The following FHIT variants were observed in gnomAD, a reference collection of about 807,000 sequenced individuals.
FHIT encodes bis(5'-adenosyl)-triphosphatase.
In FHIT, 19 loss-of-function variants were observed where a neutral mutation model predicts 17.9. The ratio of observed to expected loss-of-function variants is 1.06; its 90% CI spans 0.74 to 1.56. The LOEUF (loss-of-function observed/expected upper bound fraction) is 1.56. FHIT is among the 40% of genes most tolerant of loss of function. The pLI is 0.00. For missense variants in FHIT, 248 were observed against 189.2 expected, an observed-to-expected ratio of 1.31 and a Z score of -1.82; for synonymous variants, 81 against 69.7, an observed-to-expected ratio of 1.16 and a Z score of -0.81.
At chr3:60,703,869 T>C (rs1212805535) in intron 4 of FHIT, among the ~76,000 whole-genome samples, 2 of 152,216 alleles carry the variant, frequency 1.3e-5, no homozygotes, top group Non-Finnish European at 2.9e-5. Context: ...CACTTTCTTC[T>C]ATGATTATTG....
At chr3:60,947,110 A>AGGCCTAGGCCTAGGGCAGGTCTAGGC (rs1553775928) in intron 3 of FHIT, among the ~76,000 whole-genome samples, 10 of 152,224 alleles carry the variant, frequency 6.6e-5, no homozygotes, top group African/African-American at 1.7e-4. Flanking sequence ...AAGGGCAGGT[A>AGGCCTAGGCCTAGGGCAGGTCTAGGC]TGAGTCTAGG....
chr3:61,237,851 GTCC>G (rs2040270576), intron 1 of FHIT, among the ~76,000 whole-genome samples: 1 of 152,180 alleles, frequency 6.6e-6, no homozygotes, highest in South Asian at 2.1e-4. Flanking sequence ...CCAGAAGTGA[GTCC>G]TCAGGGTCAG....
At chr3:60,698,680 C>T (rs2041169179) in intron 4 of FHIT, among the ~76,000 whole-genome samples, 1 of 152,042 alleles carries the variant, frequency 6.6e-6, no homozygotes, top group Admixed American at 6.6e-5. Context: ...AGTAATAAGC[C>T]ATGCTTTCTT....
At chr3:60,097,592 C>T (rs1053846841) in intron 5 of FHIT, among the ~76,000 whole-genome samples, 6 of 152,048 alleles carry the variant, frequency 3.9e-5, no homozygotes, top group Admixed American at 3.3e-4. Flanking sequence ...AATGTGAAGA[C>T]GATAAGGATG....
At chr3:61,111,966 C>T (rs2036171493) in intron 2 of FHIT, among the ~76,000 whole-genome samples, 1 of 152,138 alleles carries the variant, frequency 6.6e-6, no homozygotes, top group East Asian at 1.9e-4. Context: ...ATGCGTGGTG[C>T]TTTGCAGGCA....
chr3:59,754,424 G>A (rs1701094212), intron 8 of FHIT, among the ~76,000 whole-genome samples: 1 of 152,198 alleles, frequency 6.6e-6, no homozygotes, highest in Non-Finnish European at 1.5e-5. Context: ...TACAGGCAAG[G>A]CAAACGGGAT....
intron 7 of FHIT, among the ~76,000 whole-genome samples, chr3:59,924,680 C>CA (rs1372261235): frequency 3.3e-5 from 5 of 152,064 alleles, no homozygotes; most frequent in Non-Finnish European, 5.9e-5. Flanking sequence ...TCTGCACCAG[C>CA]AAAAAAATAA....
chr3:60,161,645 T>C (rs992636530), intron 5 of FHIT, among the ~76,000 whole-genome samples: 1 of 151,814 alleles, frequency 6.6e-6, no homozygotes, highest in African/African-American at 2.4e-5. Context: ...ATGGAGAGTG[T>C]TTCGAGGTAG....
chr3:60,924,279 C>T (rs890410805), intron 3 of FHIT, among the ~76,000 whole-genome samples: 3 of 152,166 alleles, frequency 2.0e-5, no homozygotes, highest in African/African-American at 7.2e-5. Flanking sequence ...GTCCCTGACC[C>T]CCGAGTAGCC....
At chr3:60,973,355 G>A (rs903234936) in intron 3 of FHIT, among the ~76,000 whole-genome samples, 1 of 152,112 alleles carries the variant, frequency 6.6e-6, no homozygotes, top group African/African-American at 2.4e-5. Flanking sequence ...GTGAGACACT[G>A]AGACTGCTAC....
At chr3:60,523,413 C>T (rs2107570802) in intron 5 of FHIT, among the ~76,000 whole-genome samples, 1 of 151,980 alleles carries the variant, frequency 6.6e-6, no homozygotes, top group East Asian at 1.9e-4. Context: ...AATGAATAAA[C>T]AAACTAAAAT....
intron 2 of FHIT, among the ~76,000 whole-genome samples, chr3:61,140,134 C>A (rs1386900113): frequency 6.6e-6 from 1 of 152,068 alleles, no homozygotes; most frequent in Non-Finnish European, 1.5e-5. Flanking sequence ...CATTTACCAG[C>A]TCTGTAGCTT....
intron 8 of FHIT, among the ~76,000 whole-genome samples, chr3:59,775,855 A>G (rs1702284088): frequency 6.6e-6 from 1 of 152,188 alleles, no homozygotes; most frequent in Non-Finnish European, 1.5e-5. Flanking sequence ...GATTAGGATA[A>G]ATCTAATTAG....
chr3:60,808,986 A>G (rs1575551730), intron 4 of FHIT, among the ~76,000 whole-genome samples: 2 of 152,284 alleles, frequency 1.3e-5, no homozygotes, highest in Admixed American at 1.3e-4. Context: ...ATATTTTTAT[A>G]CTTTTGCATT....
chr3:60,143,035 C>A (rs866475587), intron 5 of FHIT, among the ~76,000 whole-genome samples: 123 of 152,244 alleles, frequency 8.1e-4, no homozygotes, highest in African/African-American at 2.8e-3. Context: ...TGGCATCCAA[C>A]ACAAGAAAGA....
intron 8 of FHIT, among the ~76,000 whole-genome samples, chr3:59,845,332 T>C (rs1244754109): frequency 6.6e-6 from 1 of 152,052 alleles, no homozygotes; most frequent in African/African-American, 2.4e-5. Context: ...TTCTGTTAGC[T>C]TTGGGGTTAG....
intron 4 of FHIT, among the ~76,000 whole-genome samples, chr3:60,658,220 A>C (rs1017556115): frequency 1.3e-5 from 2 of 152,292 alleles, no homozygotes; most frequent in South Asian, 4.1e-4. Context: ...TATTTCACTT[A>C]GCATAATGTC....
chr3:60,683,778 G>T (rs1030981757), intron 4 of FHIT, among the ~76,000 whole-genome samples: 27 of 152,120 alleles, frequency 1.8e-4, no homozygotes, highest in African/African-American at 6.5e-4. Flanking sequence ...AAATTCACTA[G>T]AGGGTTGGTT....
intron 5 of FHIT, among the ~76,000 whole-genome samples, chr3:60,528,781 C>T (rs1389625858): frequency 2.0e-5 from 3 of 152,116 alleles, no homozygotes; most frequent in Non-Finnish European, 1.5e-5. Flanking sequence ...ACTTATTACC[C>T]TTGCGTGCTG....
Sources: gnomAD v4.1 joint callset for allele counts (sites outside exome capture counted in the v4.1 genomes callset) on GRCh38, gnomAD v4.1.1 for gene constraint, MANE v1.5 for transcripts, NCBI Gene and HGNC (gene_info 2026-07-23, HGNC 2026-07-21) for gene names.